Variants in MACO1 observed in about 807,000 individuals in gnomAD.
MACO1 encodes the protein macoilin 1.
In MACO1, 14 loss-of-function variants were observed where a neutral mutation model predicts 78.7. That is an observed-to-expected ratio of 0.18 (90% CI 0.12 to 0.28). The LOEUF is 0.28. Among genes scored for constraint, MACO1 ranks in the 10% least tolerant of loss-of-function variants. The probability of loss-of-function intolerance (pLI) is 1.00; values close to 1 mark genes in which losing one functional copy is unlikely to be tolerated. For missense variants in MACO1, 501 were observed against 799.0 expected (o/e 0.63, Z 4.50); for synonymous variants, 288 against 291.6 (o/e 0.99, Z 0.12).
chr1:25,448,396 G>T (rs949575834), intron 2 of MACO1, among the ~76,000 whole-genome samples: 3 of 152,042 alleles, frequency 2.0e-5, no homozygotes, highest in African/African-American at 7.2e-5. Context: ...CCCGGGAGGT[G>T]GAGGTTGCAG....
chr1:25,454,484 A>ATC (rs2043100693), intron 4 of MACO1, 102 bp downstream of exon 4: 1 of 158,726 alleles, frequency 6.3e-6, no homozygotes, highest in African/African-American at 4.0e-5. Flanking sequence ...ATATATATAT[A>ATC]TATATTTTTT....
At chr1:25,487,300 C>T (rs1225868896) in intron 8 of MACO1, among the ~76,000 whole-genome samples, 3 of 152,078 alleles carry the variant, frequency 2.0e-5, no homozygotes, top group South Asian at 4.1e-4. Context: ...ATTACAGGCT[C>T]CTGCCACCGT....
chr1:25,449,474 C>T (rs762474050), intron 3 of MACO1, among the ~76,000 whole-genome samples: 1 of 152,130 alleles, frequency 6.6e-6, no homozygotes, highest in South Asian at 2.1e-4. Context: ...CCAGAATTTT[C>T]TTCCTTAAAT....
intron 10 of MACO1, 48 bp downstream of exon 10, chr1:25,491,632 AG>A: frequency 6.5e-7 from 1 of 1,545,306 alleles, no homozygotes; most frequent in Non-Finnish European, 8.9e-7. Context: ...GATAATGCAC[AG>A]GGATGCACAG....
intron 6 of MACO1, among the ~76,000 whole-genome samples, chr1:25,462,531 T>TA (rs1329454323): frequency 6.6e-6 from 1 of 152,198 alleles, no homozygotes; most frequent in African/African-American, 2.4e-5. Flanking sequence ...GATCTACCCT[T>TA]TTCTAAGTGT....
At chr1:25,483,461 A>G (rs1335471089) in intron 6 of MACO1, among the ~76,000 whole-genome samples, 1 of 152,242 alleles carries the variant, frequency 6.6e-6, no homozygotes, top group Non-Finnish European at 1.5e-5. Flanking sequence ...GAACAAGAGT[A>G]AGGAATTGAC....
chr1:25,459,262 TCAAA>T (rs1374816275), intron 6 of MACO1, among the ~76,000 whole-genome samples: 2 of 151,702 alleles, frequency 1.3e-5, no homozygotes, highest in Admixed American at 6.5e-5. Flanking sequence ...CAAATCTCTG[TCAAA>T]CAGATATACA....
At chr1:25,441,411 C>T (rs1008917131) in intron 1 of MACO1, among the ~76,000 whole-genome samples, 2 of 152,154 alleles carry the variant, frequency 1.3e-5, no homozygotes, top group African/African-American at 4.8e-5. Flanking sequence ...TCTCGAACTC[C>T]TGACTTCAGG....
chr1:25,452,595 A>AATAT, intron 3 of MACO1, among the ~76,000 whole-genome samples: 1 of 152,250 alleles, frequency 6.6e-6, no homozygotes, highest in South Asian at 2.1e-4. Flanking sequence ...TTCTTTAGGA[A>AATAT]CCTTCAACAT....
At chr1:25,468,307 A>G (rs2043236948) in intron 6 of MACO1, among the ~76,000 whole-genome samples, 1 of 152,160 alleles carries the variant, frequency 6.6e-6, no homozygotes, top group Non-Finnish European at 1.5e-5. Context: ...GCCCCACAGC[A>G]TGGGAATTGT....
chr1:25,478,019 G>A (rs913766635), intron 6 of MACO1, among the ~76,000 whole-genome samples: 1 of 152,218 alleles, frequency 6.6e-6, no homozygotes, highest in African/African-American at 2.4e-5. Flanking sequence ...GCCAAGGCAG[G>A]CAGATCACTT....
In MACO1 at chr1:25,431,933, C is replaced by T. The variant is rs116048582; in HGVS notation, c.80+755C>T. 9.4e-3 allele frequency among the ~76,000 whole-genome samples: 1,409 copies of T among 149,114 alleles called. 20 individuals carry two copies. The highest frequency in any genetic ancestry group is 0.032 in the African/African-American group (1,290 of 40,494). ...CAAACTCTTTTTTTTTTTTTTCATC[C>T]GCAAGAAAAGCAGTGTCCCTTTAAA... On this transcript the variant is annotated intron_variant, in intron 1 of 10. Transcript: ENST00000374343.
In MACO1 at chr1:25,480,932, ATATATATAT is replaced by A. The variant is rs2043370018; in HGVS notation, c.1155-3183_1155-3175del. On this transcript the variant is annotated intron_variant, in intron 6 of 10. Transcript: ENST00000374343. ...CTTGGTTAAAAAAAAAAAAAAAAAT[ATATATATAT>A]ATATATATATATATATATATATATA... 9.9e-4 allele frequency among the ~76,000 whole-genome samples: 72 copies of A among 72,916 alleles called. 2 individuals are homozygous for A. Among genetic ancestry groups the A allele is most frequent in the African/African-American group, 1.7e-3 (22 of 12,740 alleles). 47.8% of individuals were successfully genotyped at this position (72,916 alleles called of 152,430 possible).
At position 25,498,603 on chromosome 1, in the gene MACO1, G is replaced by A. The variant is rs2043558504; in HGVS notation, c.*137G>A. The A allele has an allele frequency of 3.7e-6, 3 of 821,064 alleles. No homozygotes were observed. Among genetic ancestry groups the A allele is most frequent in the Admixed American group, 6.0e-5 (2 of 33,060 alleles). 50.9% of individuals were successfully genotyped at this position (821,064 alleles called of 1,614,324 possible). The stretch of plus-strand genomic sequence containing the variant: ...TCTGTTGTCATTTTTAAAAAGGGGG[G>A]AAAAGATAACATCCAAGTCTGATTA... On this transcript the variant is annotated 3_prime_UTR_variant, in exon 11 of 11. Coordinates refer to ENST00000374343, the MANE Select transcript of MACO1 (RefSeq NM_018202.6).
In MACO1 at chr1:25,446,966, A is replaced by G; in HGVS notation, c.222+63A>G. 4.5e-6 allele frequency: 7 copies of G among 1,538,984 alleles called. 1 individual carries two copies. In the South Asian group the frequency reaches 8.8e-5, roughly 19 times the overall value. ...CATTCAGCTGTTTAGAGTAGATGTT[A>G]TTAGCAATACTCAGGTAACTATGTT... On this transcript the variant is annotated intron_variant, in intron 2 of 10. Transcript: ENST00000374343.
In MACO1 at chr1:25,485,531, A is replaced by G; in HGVS notation, c.1314-82A>G. On this transcript the variant is annotated intron_variant, in intron 7 of 10. Transcript: ENST00000374343. This position sits in a 1 kb window ranked among gnomAD's most constrained non-coding sequence, Gnocchi z 4.3. Reference sequence around the variant, plus strand: ...CAAACCTCCTGTTTAATTGGCCTTAAGGTGATAAAGAGATGTTTCTCAAGG... The same window carrying G: ...CAAACCTCCTGTTTAATTGGCCTTAGGGTGATAAAGAGATGTTTCTCAAGG... 1 of 1,433,898 alleles carries G rather than the reference A, an allele frequency of 7.0e-7. No individual in the cohort carries two copies. The highest frequency in any genetic ancestry group is 9.4e-7 in the Non-Finnish European group (1 of 1,061,930). 88.8% of individuals were successfully genotyped at this position (1,433,898 alleles called of 1,614,324 possible). A position where few individuals can be genotyped will look rare whatever the true frequency, so the allele number is the denominator to read the frequency against.
chr1:25,466,469 A>G (rs1265408977), intron 6 of MACO1, among the ~76,000 whole-genome samples: 1 of 152,056 alleles, frequency 6.6e-6, no homozygotes, highest in Non-Finnish European at 1.5e-5. Flanking sequence ...ATGCACCACC[A>G]TGCCCGGCTA....
intron 6 of MACO1, among the ~76,000 whole-genome samples, chr1:25,460,976 G>A (rs949864151): frequency 6.6e-6 from 1 of 151,956 alleles, no homozygotes; most frequent in Non-Finnish European, 1.5e-5. Context: ...TAAGGGGATC[G>A]ATAGACTGGA....
In MACO1 at chr1:25,485,563, A is replaced by G. The variant is rs571829171; in HGVS notation, c.1314-50A>G. 2 of 1,574,048 alleles carry G rather than the reference A, an allele frequency of 1.3e-6. No homozygotes were observed. Among genetic ancestry groups the G allele is most frequent in the South Asian group, 1.2e-5 (1 of 85,708 alleles). ...AAAGAGATGTTTCTCAAGGGTTTAT[A>G]GTGGGCATTTGTAATTTTAAGACTT... On this transcript the variant is annotated intron_variant, in intron 7 of 10. Transcript: ENST00000374343. This position sits in a 1 kb window ranked among gnomAD's most constrained non-coding sequence, Gnocchi z 4.3.
Sources: allele counts gnomAD v4.1 joint callset (sites outside exome capture counted in the v4.1 genomes callset), GRCh38; gene constraint gnomAD v4.1.1; non-coding constraint Gnocchi (gnomAD v3.1); transcripts MANE v1.5; gene names NCBI Gene and HGNC (gene_info 2026-07-23, HGNC 2026-07-21).